BRPF1: variants seen among roughly 807,000 people sequenced by gnomAD.
BRPF1 encodes the protein bromodomain and PHD finger containing 1.
A neutral mutation model predicts 115.0 loss-of-function variants in BRPF1; 15 were observed. The ratio of observed to expected loss-of-function variants is 0.13; its 90% CI spans 0.09 to 0.20. The LOEUF is 0.20. Ranked by LOEUF, BRPF1 falls within the 10% of genes least tolerant of loss-of-function variation. The probability of loss-of-function intolerance (pLI) is 1.00; values close to 1 mark genes in which losing one functional copy is unlikely to be tolerated. For missense variants in BRPF1, 1,118 were observed against 1,638.3 expected (o/e 0.68, Z 5.48); for synonymous variants, 647 against 619.8 (o/e 1.04, Z -0.65).
intron 1 of BRPF1, among the ~76,000 whole-genome samples, chr3:9,732,867 C>T (rs747304417): frequency 1.3e-5 from 2 of 152,122 alleles, no homozygotes; most frequent in Admixed American, 6.6e-5. Context: ...GTGCCAAGCC[C>T]CTAGCTGAAT....
At position 9,734,393 on chromosome 3, in the gene BRPF1, C is replaced by G; in HGVS notation, c.253C>G (p.Pro85Ala). 6.2e-7 allele frequency: 1 copy of G among 1,614,076 alleles called. No individual in the cohort carries two copies. Among genetic ancestry groups the G allele is most frequent in the Non-Finnish European group, 8.5e-7 (1 of 1,180,024 alleles). The stretch of plus-strand genomic sequence containing the variant: ...CAGCCCCTCAGAGGTCTCACAGTCA[C>G]CAGGCCGTGAGGTGATGAGCTATGC... ...SPSPSEVSQS[P>A]GREVMSYAQA... The change falls in exon 2 of 14, where the codon CCA becomes GCA. Residue 85 changes from proline (P) to alanine (A), a missense_variant. Pro to Ala is a conservative substitution (Grantham distance 27). Transcript: ENST00000383829. This position sits in a 1 kb window ranked among gnomAD's most constrained non-coding sequence, Gnocchi z 5.7.
chr3:9,737,539 C>CTCCA (rs2076962496), intron 2 of BRPF1, among the ~76,000 whole-genome samples: 1 of 152,240 alleles, frequency 6.6e-6, no homozygotes, highest in Non-Finnish European at 1.5e-5. Context: ...GGCAGTGTGG[C>CTCCA]TCCAGAGCCT....
chr3:9,742,243 G>A, intron 6 of BRPF1, 72 bp downstream of exon 6: 1 of 1,585,258 alleles, frequency 6.3e-7, no homozygotes, highest in Non-Finnish European at 8.6e-7. Flanking sequence ...GCAGGTCTGG[G>A]CCAGGACTAG....
In BRPF1 at chr3:9,744,365, C is replaced by T; in HGVS notation, c.2777C>T (p.Thr926Ile). The change falls in exon 9 of 14, where the codon ACC (threonine) becomes ATC (isoleucine). Residue 926 changes from threonine (T) to isoleucine (I), a missense_variant. Thr to Ile is a moderately conservative substitution (Grantham distance 89). Coordinates refer to ENST00000383829, the MANE Select transcript of BRPF1 (RefSeq NM_001003694.2). ...RPPKNRESQM[T>I]PSHGGSPVGP... ...CCCAAAAACCGGGAGAGCCAGATGA[C>T]CCCCAGCCACGGAGGCAGTCCTGTG... The T allele has an allele frequency of 6.2e-7, 1 of 1,613,296 alleles. No homozygotes were observed. Among genetic ancestry groups the T allele is most frequent in the Non-Finnish European group, 8.5e-7 (1 of 1,179,676 alleles).
Position 9,747,253 on chromosome 3 carries a change from C to T in BRPF1, c.3567C>T (p.Asn1189=), listed in dbSNP as rs765356777. The T allele has an allele frequency of 3.1e-6, 5 of 1,614,218 alleles. 1 individual carries two copies. Among genetic ancestry groups the T allele is most frequent in the Admixed American group, 3.3e-5 (2 of 60,026 alleles). ...AGATGCTGGAGGGCCGCAAGTCCAA[C>T]ATCCGCAAGTCAGTACAGATCGCCT... ...KEKMLEGRKS[N]IRKSVQIAYH... is the part of the protein sequence containing the mutation. The change falls in exon 14 of 14, where the codon AAC becomes AAT. Residue 1189 remains asparagine, a synonymous_variant. Coordinates refer to ENST00000383829, the MANE Select transcript of BRPF1 (RefSeq NM_001003694.2). This position sits in a 1 kb window ranked among gnomAD's most constrained non-coding sequence, Gnocchi z 5.6.
intron 9 of BRPF1, 86 bp downstream of exon 9, chr3:9,744,594 C>T: frequency 9.3e-7 from 1 of 1,080,310 alleles, no homozygotes; most frequent in Non-Finnish European, 1.3e-6. Context: ...CCTTTATTTG[C>T]CCATAAAAGA....
rs1438968085 is a variant in BRPF1 at position 9,742,060 on chromosome 3, G to A, written c.1890G>A (p.Leu630=). Residue 630 remains leucine (L), a synonymous_variant, in exon 6 of 14, where the codon CTG becomes CTA. Coordinates refer to ENST00000383829, the MANE Select transcript of BRPF1 (RefSeq NM_001003694.2). The stretch of plus-strand genomic sequence containing the variant: ...AGCAGATTGCCATGGAGATGCAGCT[G>A]ACTCCTTTCCTCATCCTCCTTCGCA... ...KVQQIAMEMQ[L]TPFLILLRKT... 1 of 1,614,194 alleles carries A rather than the reference G, an allele frequency of 6.2e-7. No homozygotes were observed. The highest frequency in any genetic ancestry group is 2.2e-5 in the East Asian group (1 of 44,874).
At position 9,747,482 on chromosome 3, in the gene BRPF1, G is replaced by C. The variant is rs537775858; in HGVS notation, c.*133G>C. The stretch of plus-strand genomic sequence containing the variant: ...GGGCCAGTCTCAGGGGAAGCTGGGT[G>C]GGGGAGGTCCCTCCTGCCCTAAGTG... On this transcript the variant is annotated 3_prime_UTR_variant, in exon 14 of 14. Transcript: ENST00000383829. The surrounding 1 kb of genome is among the most constrained non-coding windows in gnomAD (Gnocchi z 5.6). 36 of 1,123,666 alleles carry C rather than the reference G, an allele frequency of 3.2e-5. No homozygotes were observed. Among genetic ancestry groups the C allele is most frequent in the Middle Eastern group, 3.0e-4 (1 of 3,380 alleles). The allele number at this position is 1,123,666 out of a possible 1,614,324, so 69.6% of individuals were successfully genotyped here.
At chr3:9,740,734 G>C in intron 3 of BRPF1, 45 bp from the exon 4 acceptor site, 1 of 1,605,854 alleles carries the variant, frequency 6.2e-7, no homozygotes, top group Non-Finnish European at 8.5e-7. Flanking sequence ...CTGCTTAAGA[G>C]AATCAGGGCC....
Position 9,745,965 on chromosome 3 carries a change from A to G in BRPF1, c.3324+35A>G, listed in dbSNP as rs1316995055. On this transcript the variant is annotated intron_variant, in intron 12 of 13. Coordinates refer to ENST00000383829, the MANE Select transcript of BRPF1 (RefSeq NM_001003694.2). The surrounding 1 kb of genome is among the most constrained non-coding windows in gnomAD (Gnocchi z 5.1). ...CTTCTGTTACACTTCTTGCTTTCCA[A>G]TCCCAGAATACAGATTCACAGTTAG... 1.9e-6 allele frequency: 3 copies of G among 1,584,448 alleles called. No homozygotes were observed. The highest frequency in any genetic ancestry group is 2.7e-5 in the African/African-American group (2 of 74,302).
chr3:9,733,216 C>T (rs1237729465), intron 1 of BRPF1: 1 of 152,182 alleles, frequency 6.6e-6, no homozygotes, highest in Non-Finnish European at 1.5e-5. Context: ...CCATAAAGAC[C>T]TCAAAAGTAA....
intron 2 of BRPF1, among the ~76,000 whole-genome samples, chr3:9,738,252 A>G (rs1355880250): frequency 6.6e-6 from 1 of 152,176 alleles, no homozygotes; most frequent in Non-Finnish European, 1.5e-5. Context: ...TATGTGACCT[A>G]TCTATGTTTT....
intron 2 of BRPF1, among the ~76,000 whole-genome samples, chr3:9,738,134 C>T (rs188684723): frequency 1.2e-4 from 19 of 152,192 alleles, no homozygotes; most frequent in African/African-American, 3.9e-4. Flanking sequence ...TGACAAGCAC[C>T]GAGAGCAGCC....
intron 6 of BRPF1, 101 bp from the exon 7 acceptor site, chr3:9,742,843 A>T: frequency 7.9e-7 from 1 of 1,266,370 alleles, no homozygotes; most frequent in African/African-American, 1.5e-5. Context: ...CTGTGGTGGG[A>T]GGAGGTTGCT....
In BRPF1 at chr3:9,736,282, A is replaced by G. The variant is rs547352355; in HGVS notation, c.599+1543A>G. Among the ~76,000 whole-genome samples the G allele has an allele frequency of 5.9e-4, 90 of 152,300 alleles. No individual in the cohort carries two copies. In the Middle Eastern group the frequency reaches 0.01, roughly 17 times the overall value. Reference sequence around the variant, plus strand: ...CAGCCTCCCAAAGTGCTGGGATGACAGGCATGAGCCACCGCGCCCGGCCTA... The same window carrying G: ...CAGCCTCCCAAAGTGCTGGGATGACGGGCATGAGCCACCGCGCCCGGCCTA... On this transcript the variant is annotated intron_variant, in intron 2 of 13. Transcript: ENST00000383829.
At position 9,739,790 on chromosome 3, in the gene BRPF1, G is replaced by C; in HGVS notation, c.1391G>C (p.Gly464Ala). The part of the protein sequence containing the change: ...RRLPALSHSE[G>A]EEDEDEEEDE... ...CTGCCTGCCCTGTCCCACAGCGAGG[G>C]TGAGGAGGATGAAGATGAGGAGGAG... Residue 464 changes from glycine (G) to alanine (A), a missense_variant, in exon 3 of 14, where the codon GGT (glycine) becomes GCT (alanine). Gly to Ala is a moderately conservative substitution (Grantham distance 60). Transcript: ENST00000383829. The C allele has an allele frequency of 1.2e-6, 2 of 1,613,480 alleles. No individual in the cohort carries two copies. Among genetic ancestry groups the C allele is most frequent in the Non-Finnish European group, 1.7e-6 (2 of 1,179,696 alleles).
intron 8 of BRPF1, 57 bp from the exon 9 acceptor site, chr3:9,744,165 ATC>A: frequency 6.7e-7 from 1 of 1,490,756 alleles, no homozygotes. Context: ...GACCCTGGAT[ATC>A]TACCCTTCTC....
rs775464062 is a variant in BRPF1, at chr3:9,734,612, A to G, written c.472A>G (p.Lys158Glu). The G allele has an allele frequency of 6.2e-7, 1 of 1,614,134 alleles. No homozygotes were observed. The highest frequency in any genetic ancestry group is 1.1e-5 in the South Asian group (1 of 91,068). The change falls in exon 2 of 14, where the codon AAG becomes GAG. Residue 158 changes from lysine (K) to glutamate (E), a missense_variant. Coordinates refer to ENST00000383829, the MANE Select transcript of BRPF1 (RefSeq NM_001003694.2). This position sits in a 1 kb window ranked among gnomAD's most constrained non-coding sequence, Gnocchi z 5.7. Reference sequence around the variant, plus strand: ...CAAACATAAGAACAAGGAGAAGCGCAAGGACTCCAACCATCACCACCACCA... The same window carrying G: ...CAAACATAAGAACAAGGAGAAGCGCGAGGACTCCAACCATCACCACCACCA... Reference protein sequence around the residue: ...SGKHKNKEKRKDSNHHHHHNV... With the variant: ...SGKHKNKEKREDSNHHHHHNV...
At position 9,747,147 on chromosome 3, in the gene BRPF1, T is replaced by A; in HGVS notation, c.3480-19T>A. 6.2e-7 allele frequency: 1 copy of A among 1,613,592 alleles called. No individual in the cohort carries two copies. The highest frequency in any genetic ancestry group is 8.5e-7 in the Non-Finnish European group (1 of 1,179,624). ...GTTCTCCCTGAGATGATTTATTTGA[T>A]CTTCACCTTATCCTATAGGCAGTGG... is the stretch of plus-strand genomic sequence containing the variant. On this transcript the variant is annotated intron_variant, in intron 13 of 13. Coordinates refer to ENST00000383829, the MANE Select transcript of BRPF1 (RefSeq NM_001003694.2). This position sits in a 1 kb window ranked among gnomAD's most constrained non-coding sequence, Gnocchi z 5.6.
Sources: allele counts gnomAD v4.1 joint callset (sites outside exome capture counted in the v4.1 genomes callset), GRCh38; gene constraint gnomAD v4.1.1; non-coding constraint Gnocchi (gnomAD v3.1); transcripts MANE v1.5; gene names NCBI Gene and HGNC (gene_info 2026-07-23, HGNC 2026-07-21).